Variants in EFHC1 observed in about 807,000 individuals in gnomAD.
The protein encoded by EFHC1 is EF-hand domain containing 1.
A neutral mutation model predicts 69.9 loss-of-function variants in EFHC1; 53 were observed. The ratio of observed to expected loss-of-function variants is 0.76; its 90% confidence interval spans 0.61 to 0.95. The LOEUF (loss-of-function observed/expected upper bound fraction) is 0.95. EFHC1 is among the 40% of genes least tolerant of loss of function. The pLI is 0.00. For synonymous variants in EFHC1, 256 were observed against 278.4 expected, an observed-to-expected ratio of 0.92 and a Z score of 0.80; for missense variants, 739 against 798.7, an observed-to-expected ratio of 0.93 and a Z score of 0.90.
chr6:52,480,074 C>T (rs1347701433), intron 9 of EFHC1: 1 of 597,672 alleles, frequency 1.7e-6, no homozygotes, highest in Admixed American at 3.0e-5. Context: ...CACCCCAAAA[C>T]TTAACTACTA....
chr6:52,495,504 C>T lies in EFHC1; in HGVS notation c.*3163C>T. The T allele has an allele frequency of 2.2e-6, 1 of 454,040 alleles. No homozygotes were observed. The highest frequency in any genetic ancestry group is 4.4e-6 in the Non-Finnish European group (1 of 226,770). The allele number at this position is 454,040 out of a possible 1,614,324, so 28.1% of individuals were successfully genotyped here. On this transcript the variant is annotated 3_prime_UTR_variant, in exon 11 of 11. Coordinates refer to ENST00000371068, the MANE Select transcript of EFHC1 (RefSeq NM_018100.4). ...TATGGATATATTTGCCAATTTTTGT[C>T]CTCAGCTTTGGGTCTCAGCCAAAAT...
In EFHC1 at chr6:52,432,129, G is replaced by A. The variant is rs145633214; in HGVS notation, c.286-6175G>A. Among the ~76,000 whole-genome samples the A allele has an allele frequency of 5.1e-3, 779 of 152,210 alleles. 8 individuals are homozygous for A. Among genetic ancestry groups the A allele is most frequent in the African/African-American group, 0.017 (724 of 41,544 alleles). On this transcript the variant is annotated intron_variant, in intron 2 of 10. Transcript: ENST00000371068. The stretch of plus-strand genomic sequence containing the variant: ...GTCTCTTGAAGGCAGCAGATGGTTG[G>A]TGAATTCTTATCCATTCTGCGATTC...
Position 52,495,643 on chromosome 6 carries a change from C to T in EFHC1, c.*3302C>T, listed in dbSNP as rs1316583135. On this transcript the variant is annotated 3_prime_UTR_variant, in exon 11 of 11. Coordinates refer to ENST00000371068, the MANE Select transcript of EFHC1 (RefSeq NM_018100.4). ...CTTACTCTGTTGCCAGACTGGAATG[C>T]GGTGGTGTGACCATAGCTCACTGCA... The T allele has an allele frequency of 4.4e-6, 2 of 451,320 alleles. No homozygotes were observed. Among genetic ancestry groups the T allele is most frequent in the South Asian group, 1.6e-5 (1 of 64,328 alleles). 28.0% of individuals were successfully genotyped at this position (451,320 alleles called of 1,614,324 possible). A position where few individuals can be genotyped will look rare whatever the true frequency, so the allele number is the denominator to read the frequency against.
Position 52,459,569 on chromosome 6 carries a change from C to T in EFHC1, c.916+5282C>T, listed in dbSNP as rs187357054. On this transcript the variant is annotated intron_variant, in intron 5 of 10. Transcript: ENST00000371068. ...AAAGACTGACCATACCAAGTGTTGA[C>T]AAGGATGTGAAGCAGCTGAAAATTT... Among the ~76,000 whole-genome samples, 6 of 152,328 alleles carry T rather than the reference C, an allele frequency of 3.9e-5. No individual in the cohort carries two copies. In the East Asian group the frequency reaches 1.2e-3, roughly 29 times the overall value.
At chr6:52,482,029 A>G (rs1581849142) in intron 9 of EFHC1, 2 of 152,142 alleles carry the variant, frequency 1.3e-5, no homozygotes, top group Middle Eastern at 6.8e-3. Flanking sequence ...AAAATGTACA[A>G]TTGTTCTGTG....
intron 7 of EFHC1, among the ~76,000 whole-genome samples, chr6:52,478,503 T>C (rs1423886054): frequency 2.0e-5 from 3 of 152,238 alleles, no homozygotes; most frequent in Non-Finnish European, 4.4e-5. Flanking sequence ...ATTACTCTTA[T>C]CCCTTCTTTT....
At position 52,496,753 on chromosome 6, in the gene EFHC1, A is replaced by G. The variant is rs759359544; in HGVS notation, c.*4412A>G. 8.6e-5 allele frequency: 13 copies of G among 152,046 alleles called. No homozygotes were observed. Among genetic ancestry groups the G allele is most frequent in the Admixed American group, 7.2e-4 (11 of 15,268 alleles). The allele number at this position is 152,046 out of a possible 1,614,324, so 9.4% of individuals were successfully genotyped here. On this transcript the variant is annotated 3_prime_UTR_variant, in exon 11 of 11. Transcript: ENST00000371068. The stretch of plus-strand genomic sequence containing the variant: ...GCTTCTCATGGCAGAGCAGGACCCA[A>G]CTCTACAATGAAGCTTGCCATGCAT...
At chr6:52,484,654 T>C (rs1361926537) in intron 9 of EFHC1, 1 of 152,198 alleles carries the variant, frequency 6.6e-6, no homozygotes, top group Non-Finnish European at 1.5e-5. Flanking sequence ...AAGAATAATT[T>C]TGACTTCACA....
chr6:52,484,613 A>G (rs1476774720), intron 9 of EFHC1: 2 of 152,248 alleles, frequency 1.3e-5, no homozygotes, highest in Non-Finnish European at 2.9e-5. Flanking sequence ...AAACAAGAGT[A>G]AAAAGACAAA....
At chr6:52,426,407 C>T (rs1454467955) in intron 2 of EFHC1, among the ~76,000 whole-genome samples, 2 of 152,168 alleles carry the variant, frequency 1.3e-5, no homozygotes, top group East Asian at 1.9e-4. Flanking sequence ...TATGTGGTTG[C>T]TTATTCTTTA....
rs1274292825 is a variant in EFHC1 at position 52,484,345 on chromosome 6, A to T, written c.1640+4558A>T. On this transcript the variant is annotated intron_variant, in intron 9 of 10. Transcript: ENST00000371068. ...GCATATTAGAAATTGTATCTGAAAA[A>T]TTTTCAAATATTAATTTATTTTGAA... 6 of 152,206 alleles carry T rather than the reference A, an allele frequency of 3.9e-5. 1 individual carries two copies. The highest frequency in any genetic ancestry group is 2.0e-4 in the Admixed American group (3 of 15,284). The allele number at this position is 152,206 out of a possible 1,614,324, so 9.4% of individuals were successfully genotyped here.
intron 2 of EFHC1, among the ~76,000 whole-genome samples, chr6:52,431,463 A>T (rs1320213901): frequency 6.6e-6 from 1 of 152,122 alleles, no homozygotes; most frequent in Non-Finnish European, 1.5e-5. Context: ...TTTGACCCAA[A>T]GCTCACTTAG....
intron 7 of EFHC1, among the ~76,000 whole-genome samples, chr6:52,478,127 G>A (rs1370232268): frequency 6.6e-6 from 1 of 152,130 alleles, no homozygotes; most frequent in African/African-American, 2.4e-5. Context: ...CCTTTGTAGG[G>A]ACATGGATGA....
At chr6:52,441,887 T>C (rs1403425303) in intron 3 of EFHC1, among the ~76,000 whole-genome samples, 1 of 152,186 alleles carries the variant, frequency 6.6e-6, no homozygotes, top group Non-Finnish European at 1.5e-5. Flanking sequence ...GTGTTCCTGA[T>C]TTTACTCTCA....
At chr6:52,454,046 A>G in intron 4 of EFHC1, 49 bp from the exon 5 acceptor site, 1 of 1,611,078 alleles carries the variant, frequency 6.2e-7, no homozygotes, top group Non-Finnish European at 8.5e-7. Context: ...AGCCAAGTTG[A>G]ACTCCCTACT....
At chr6:52,453,937 T>C (rs766025071) in intron 4 of EFHC1, 158 bp from the exon 5 acceptor site, 86 of 1,503,658 alleles carry the variant, frequency 5.7e-5, no homozygotes, top group Non-Finnish European at 7.2e-5. Context: ...TTTTAGTATG[T>C]TTGATGAATA....
At chr6:52,481,025 T>C (rs1765661835) in intron 9 of EFHC1, among the ~76,000 whole-genome samples, 1 of 152,170 alleles carries the variant, frequency 6.6e-6, no homozygotes. Context: ...CTGGCTGTTT[T>C]GTTGAAAGTA....
chr6:52,427,663 T>C (rs943211679), intron 2 of EFHC1, among the ~76,000 whole-genome samples: 1 of 151,692 alleles, frequency 6.6e-6, no homozygotes, highest in African/African-American at 2.4e-5. Context: ...AGGACTTATA[T>C]AGTTTATTAT....
intron 5 of EFHC1, among the ~76,000 whole-genome samples, chr6:52,462,885 CAAAAAA>C (rs777016070): frequency 2.3e-5 from 2 of 85,436 alleles, no homozygotes; most frequent in South Asian, 6.9e-4. Context: ...AAGACTGTCT[CAAAAAA>C]AAAAAAAAAA....
Sources: gnomAD v4.1 joint callset for allele counts (sites outside exome capture counted in the v4.1 genomes callset) on GRCh38, gnomAD v4.1.1 for gene constraint, MANE v1.5 for transcripts, NCBI Gene and HGNC (gene_info 2026-07-23, HGNC 2026-07-21) for gene names.